SRGAP3: variants seen among roughly 807,000 people sequenced by gnomAD.
SRGAP3 encodes SLIT-ROBO Rho GTPase-activating protein 3.
SRGAP3 carries 39 observed loss-of-function variants against 121.1 expected under a neutral mutation model. The ratio of observed to expected loss-of-function variants is 0.32; its 90% CI spans 0.25 to 0.42. The LOEUF (loss-of-function observed/expected upper bound fraction) is 0.42, where lower values mean the gene tolerates loss of function less well. Ranked by LOEUF, SRGAP3 falls within the 10% of genes least tolerant of loss-of-function variation. SRGAP3 has a pLI of 1.00. For missense variants in SRGAP3, 1,213 were observed against 1,470.6 expected (o/e 0.82, Z 2.86); for synonymous variants, 601 against 570.0 (o/e 1.05, Z -0.77).
At chr3:9,293,703 A>G (rs902118772) in intron 3 of SRGAP3, among the ~76,000 whole-genome samples, 21 of 152,340 alleles carry the variant, frequency 1.4e-4, no homozygotes, top group African/African-American at 4.8e-4. Context: ...TCAAAAGAAG[A>G]CATACATGCA....
intron 3 of SRGAP3, among the ~76,000 whole-genome samples, chr3:9,273,576 C>G (rs1559254409): frequency 1.3e-5 from 2 of 152,138 alleles, no homozygotes; most frequent in African/African-American, 4.8e-5. Context: ...TCCTTTGATG[C>G]ACAAAAGTTT....
chr3:9,021,554 A>G (rs566075434), intron 14 of SRGAP3, among the ~76,000 whole-genome samples: 2 of 148,584 alleles, frequency 1.3e-5, no homozygotes, highest in East Asian at 3.9e-4. Flanking sequence ...TATGAGAAGG[A>G]AAAAAAAAAG....
intron 1 of SRGAP3, among the ~76,000 whole-genome samples, chr3:9,231,312 CT>C (rs1468758874): frequency 6.6e-6 from 1 of 152,168 alleles, no homozygotes; most frequent in Non-Finnish European, 1.5e-5. Context: ...CTCACAATCC[CT>C]TGTCATTCAT....
chr3:9,125,435 G>A (rs1025958855), intron 1 of SRGAP3, among the ~76,000 whole-genome samples: 17 of 152,190 alleles, frequency 1.1e-4, no homozygotes, highest in African/African-American at 3.6e-4. Context: ...AAAGGAAAAC[G>A]GCAGTGTGAC....
intron 3 of SRGAP3, among the ~76,000 whole-genome samples, chr3:9,322,310 T>C (rs930407238): frequency 1.3e-5 from 2 of 151,860 alleles, no homozygotes; most frequent in Non-Finnish European, 2.9e-5. Flanking sequence ...TGGATTGGAC[T>C]TTCCAAGTGC....
At chr3:9,227,825 C>T (rs1459165772) in intron 1 of SRGAP3, among the ~76,000 whole-genome samples, 1 of 152,168 alleles carries the variant, frequency 6.6e-6, no homozygotes, top group African/African-American at 2.4e-5. Context: ...GAGACAAATA[C>T]AGCAGCACTT....
intron 4 of SRGAP3, among the ~76,000 whole-genome samples, chr3:9,073,510 C>A (rs2125242738): frequency 6.6e-6 from 1 of 152,268 alleles, no homozygotes; most frequent in East Asian, 1.9e-4. Context: ...TAGGGGAGCG[C>A]TTAAGCACTC....
At chr3:9,098,943 A>T (rs1344279673) in intron 3 of SRGAP3, among the ~76,000 whole-genome samples, 2 of 152,092 alleles carry the variant, frequency 1.3e-5, no homozygotes, top group Non-Finnish European at 2.9e-5. Flanking sequence ...AAGGCGCCTC[A>T]TCCCTTGGCA....
At chr3:9,149,637 C>T (rs1228498581) in intron 1 of SRGAP3, among the ~76,000 whole-genome samples, 1 of 152,190 alleles carries the variant, frequency 6.6e-6, no homozygotes. Flanking sequence ...CTGGGCTGGC[C>T]TGCAGGAGGG....
chr3:9,167,147 C>T (rs2668363), intron 1 of SRGAP3, among the ~76,000 whole-genome samples: 45,839 of 152,058 alleles, frequency 0.3, 8,387 homozygotes, highest in Non-Finnish European at 0.42. Flanking sequence ...CAGCAATTCT[C>T]CTGGGCAGGA....
Position 9,013,416 on chromosome 3 carries a change from T to C in SRGAP3, c.2039A>G (p.Asn680Ser). ...GATGATGATGGTTTTGATGACTTCATTGATGTGTGCCTGGCAGGACACAGG... is the reference window on the plus strand; with the variant it reads ...GATGATGATGGTTTTGATGACTTCACTGATGTGTGCCTGGCAGGACACAGG... ...QDPVSCQAHI[N>S]EVIKTIIIHH... The change falls in exon 17 of 22, where the codon AAT becomes AGT. Residue 680 changes from asparagine (N) to serine (S), a missense_variant. Physicochemically the swap from Asn to Ser is conservative, Grantham distance 46. Transcript: ENST00000383836. The C allele has an allele frequency of 1.9e-6, 3 of 1,614,150 alleles. No homozygotes were observed. The highest frequency in any genetic ancestry group is 2.5e-6 in the Non-Finnish European group (3 of 1,180,022).
At chr3:9,300,397 T>C (rs1955036449) in intron 3 of SRGAP3, among the ~76,000 whole-genome samples, 1 of 151,860 alleles carries the variant, frequency 6.6e-6, no homozygotes, top group African/African-American at 2.4e-5. Flanking sequence ...GAAATTGCCA[T>C]CTGTCCTTCT....
At chr3:9,080,778 G>A (rs1382888384) in intron 3 of SRGAP3, among the ~76,000 whole-genome samples, 5 of 152,078 alleles carry the variant, frequency 3.3e-5, no homozygotes, top group African/African-American at 4.8e-5. Context: ...TAGGTTGCAC[G>A]CTCCTTATGA....
At chr3:9,063,998 A>AC (rs936611710) in intron 5 of SRGAP3, among the ~76,000 whole-genome samples, 6 of 150,810 alleles carry the variant, frequency 4.0e-5, no homozygotes, top group South Asian at 2.1e-4. Context: ...TTCCCACCTC[A>AC]CCCCCCGCCC....
At chr3:9,110,085 T>C (rs1948561020) in intron 2 of SRGAP3, among the ~76,000 whole-genome samples, 1 of 152,130 alleles carries the variant, frequency 6.6e-6, no homozygotes, top group African/African-American at 2.4e-5. Flanking sequence ...CTCTGGCTGC[T>C]GTACAGAGCC....
rs182871038 is a variant in SRGAP3, at chr3:9,360,879, C to T, written n.214+1961G>A. ...AGCTAAAACATACCAGGGCATATAT[C>T]ATTTTGTATTTTCATCAGCAATGTA... On this transcript the variant is annotated intron_variant and non_coding_transcript_variant, in intron 1 of 3. Coordinates refer to the SRGAP3 transcript ENST00000490889. 5.5e-3 allele frequency among the ~76,000 whole-genome samples: 837 copies of T among 152,300 alleles called. 3 individuals are homozygous for T. The highest frequency in any genetic ancestry group is 0.034 in the Middle Eastern group (10 of 294).
intron 2 of SRGAP3, among the ~76,000 whole-genome samples, chr3:9,123,397 A>ATATATATAT (rs764680440): frequency 1.1e-5 from 1 of 89,166 alleles, no homozygotes; most frequent in African/African-American, 3.8e-5. Flanking sequence ...ATACATACAC[A>ATATATATAT]ATACACATAC....
At chr3:9,014,489 TCATCTCTGACC>T (rs1178232349) in intron 15 of SRGAP3, among the ~76,000 whole-genome samples, 2 of 152,222 alleles carry the variant, frequency 1.3e-5, no homozygotes, top group African/African-American at 4.8e-5. Flanking sequence ...GCTTGGGATC[TCATCTCTGACC>T]CCTGTTTCCA....
rs529184440 is a variant in SRGAP3, at chr3:9,138,225, C to A, written c.68-13308G>T. Among the ~76,000 whole-genome samples the A allele has an allele frequency of 2.8e-4, 42 of 152,276 alleles. No individual in the cohort carries two copies. In the South Asian group the frequency reaches 5.8e-3, roughly 21 times the overall value. On this transcript the variant is annotated intron_variant, in intron 1 of 21. Transcript: ENST00000383836. ...TGCTGTATATTTGTCTAATATATTT[C>A]TTTAAATCATCTTACTTTTTACCTG...
Sources: gnomAD v4.1 joint callset for allele counts (sites outside exome capture counted in the v4.1 genomes callset) on GRCh38, gnomAD v4.1.1 for gene constraint, MANE v1.5 for transcripts, NCBI Gene and HGNC (gene_info 2026-07-23, HGNC 2026-07-21) for gene names.